MICAL3: variants seen among roughly 807,000 people sequenced by gnomAD.
The protein encoded by MICAL3 is microtubule associated monooxygenase, calponin and LIM domain containing 3.
Under a neutral mutation model 207.4 loss-of-function variants are expected in MICAL3, and 62 were observed. The ratio of observed to expected loss-of-function variants is 0.30; its 90% CI spans 0.24 to 0.37. The LOEUF (loss-of-function observed/expected upper bound fraction) is 0.37, where lower values mean the gene tolerates loss of function less well. Among genes scored for constraint, MICAL3 ranks in the 10% least tolerant of loss-of-function variants. The probability of loss-of-function intolerance (pLI) is 1.00; values close to 1 mark genes in which losing one functional copy is unlikely to be tolerated. For missense variants in MICAL3, 2,368 were observed against 2,635.6 expected (o/e 0.90, Z 2.22); for synonymous variants, 1,077 against 1,069.3 (o/e 1.01, Z -0.14).
intron 9 of MICAL3, 151 bp downstream of exon 9, chr22:17,896,095 C>T (rs1278882161): frequency 1.8e-6 from 1 of 552,486 alleles, no homozygotes; most frequent in African/African-American, 1.9e-5. Flanking sequence ...TTTATGAAAT[C>T]CTATCTTGCC....
intron 7 of MICAL3, among the ~76,000 whole-genome samples, chr22:17,898,653 T>G (rs1229099484): frequency 2.0e-5 from 3 of 152,204 alleles, no homozygotes; most frequent in African/African-American, 7.2e-5. Context: ...CTGCTTCTGT[T>G]TTTCTCATCG....
At chr22:17,852,203 C>CA (rs889387552) in intron 19 of MICAL3, among the ~76,000 whole-genome samples, 1 of 152,172 alleles carries the variant, frequency 6.6e-6, no homozygotes, top group Non-Finnish European at 1.5e-5. Flanking sequence ...TTTAAAGACA[C>CA]AAAATCACAT....
intron 19 of MICAL3, among the ~76,000 whole-genome samples, chr22:17,857,662 G>A (rs1038527856): frequency 6.6e-6 from 1 of 152,254 alleles, no homozygotes; most frequent in African/African-American, 2.4e-5. Context: ...AAGAGGCCAA[G>A]AGAAGTTCTG....
intron 1 of MICAL3, among the ~76,000 whole-genome samples, chr22:17,972,989 G>T (rs1390424944): frequency 6.6e-6 from 1 of 152,216 alleles, no homozygotes; most frequent in Non-Finnish European, 1.5e-5. Context: ...GCCCAGCCGG[G>T]CCCACGTGGG....
At chr22:17,987,539 C>T (rs537795116) in intron 1 of MICAL3, among the ~76,000 whole-genome samples, 2 of 152,196 alleles carry the variant, frequency 1.3e-5, no homozygotes, top group African/African-American at 2.4e-5. Context: ...GCTGGGGAAC[C>T]GCTGCAGGTG....
rs570715844 is a variant in MICAL3, at chr22:17,796,590, C to T, written c.5651-5289G>A. Among the ~76,000 whole-genome samples the T allele has an allele frequency of 2.1e-4, 32 of 152,382 alleles. No homozygotes were observed. Among genetic ancestry groups the T allele is most frequent in the East Asian group, 9.6e-4 (5 of 5,196 alleles). ...CAGAGCTTTCCCTCTTCAACACAGG[C>T]TCCAGGCAAATGTAACAAATGCTGG... On this transcript the variant is annotated intron_variant, in intron 29 of 31. Transcript: ENST00000441493. This position sits in a 1 kb window ranked among gnomAD's most constrained non-coding sequence, Gnocchi z 4.4.
intron 16 of MICAL3, among the ~76,000 whole-genome samples, chr22:17,876,140 A>G (rs1383600935): frequency 6.6e-6 from 1 of 152,144 alleles, no homozygotes; most frequent in African/African-American, 2.4e-5. Context: ...GATGAGGAGA[A>G]AAGACTTGAG....
At chr22:17,975,706 C>T (rs1187599733) in intron 1 of MICAL3, among the ~76,000 whole-genome samples, 1 of 152,142 alleles carries the variant, frequency 6.6e-6, no homozygotes, top group Admixed American at 6.5e-5. Context: ...AAACAGAACC[C>T]AGCACTGTCC....
At chr22:17,922,912 C>T (rs1932833288) in intron 1 of MICAL3, among the ~76,000 whole-genome samples, 1 of 152,178 alleles carries the variant, frequency 6.6e-6, no homozygotes, top group African/African-American at 2.4e-5. Context: ...ACAACTGACC[C>T]TAAACCAGCT....
At chr22:17,855,506 C>G (rs950153597) in intron 19 of MICAL3, among the ~76,000 whole-genome samples, 11 of 152,214 alleles carry the variant, frequency 7.2e-5, no homozygotes, top group Non-Finnish European at 1.5e-4. Flanking sequence ...GCATGTTCCC[C>G]AATCCTCCAC....
intron 1 of MICAL3, among the ~76,000 whole-genome samples, chr22:17,939,205 G>A (rs549748077): frequency 1.3e-5 from 2 of 152,142 alleles, no homozygotes; most frequent in Non-Finnish European, 2.9e-5. Flanking sequence ...CAGCAAAAAG[G>A]CCCTCCCCTG....
chr22:17,853,477 C>CGG (rs755197928), intron 19 of MICAL3, among the ~76,000 whole-genome samples: 16 of 152,260 alleles, frequency 1.1e-4, no homozygotes, highest in Non-Finnish European at 2.1e-4. Context: ...CACCCTCACT[C>CGG]TAATTCTTCC....
intron 21 of MICAL3, among the ~76,000 whole-genome samples, chr22:17,829,430 A>C (rs969772671): frequency 2.6e-5 from 4 of 152,146 alleles, no homozygotes; most frequent in African/African-American, 9.7e-5. Flanking sequence ...CGGCCTCCCA[A>C]AGTGCTGGGA....
In MICAL3 at chr22:17,891,622, A is replaced by C; in HGVS notation, c.1557T>G (p.Ala519=). The part of the protein sequence containing the change: ...TPKLTRNESV[A]RSSKLLGWCQ... ...ACCAACCCAGCAGTTTGCTTGAACG[A>C]GCTACAGACTCTAAAACAACAAAAC... The change falls in exon 12 of 32, where the codon GCT becomes GCG. Residue 519 remains alanine (A), a synonymous_variant. Coordinates refer to ENST00000441493, the MANE Select transcript of MICAL3 (RefSeq NM_015241.3). The C allele has an allele frequency of 3.7e-6, 6 of 1,613,930 alleles. No individual in the cohort carries two copies. Among genetic ancestry groups the C allele is most frequent in the Non-Finnish European group, 4.2e-6 (5 of 1,179,862 alleles).
rs189140273 is a variant in MICAL3, at chr22:18,012,239, A to G, written c.-75+12042T>C. ...GACAAAGCAAGGCTCTGACTCAAAA[A>G]AAATTAATAAATAAGAAGAGAAGTT... On this transcript the variant is annotated intron_variant, in intron 1 of 31. Coordinates refer to ENST00000441493, the MANE Select transcript of MICAL3 (RefSeq NM_015241.3). Among the ~76,000 whole-genome samples, 102 of 152,352 alleles carry G rather than the reference A, an allele frequency of 6.7e-4. 2 individuals carry two copies. Among genetic ancestry groups the G allele is most frequent in the African/African-American group, 2.5e-3 (102 of 41,586 alleles).
intron 1 of MICAL3, among the ~76,000 whole-genome samples, chr22:17,982,496 C>T (rs990778899): frequency 8.5e-5 from 13 of 152,086 alleles, no homozygotes; most frequent in African/African-American, 2.7e-4. Flanking sequence ...GATGGTGAAA[C>T]GCCATCTCTA....
chr22:17,924,341 G>A lies in MICAL3; in HGVS notation c.-74-17455C>T, dbSNP rs111270821. Among the ~76,000 whole-genome samples the A allele has an allele frequency of 4.3e-3, 656 of 152,176 alleles. 2 individuals carry two copies. Among genetic ancestry groups the A allele is most frequent in the African/African-American group, 0.015 (622 of 41,518 alleles). On this transcript the variant is annotated intron_variant, in intron 1 of 31. Coordinates refer to ENST00000441493, the MANE Select transcript of MICAL3 (RefSeq NM_015241.3). ...GCGGATCAGGCACATCTCACCCCTCGGACCAGTTCAGGTACAGATTAAATA... is the reference window on the plus strand; with the variant it reads ...GCGGATCAGGCACATCTCACCCCTCAGACCAGTTCAGGTACAGATTAAATA...
intron 19 of MICAL3, among the ~76,000 whole-genome samples, chr22:17,842,715 T>C (rs1016551680): frequency 2.0e-5 from 3 of 152,254 alleles, no homozygotes; most frequent in Non-Finnish European, 2.9e-5. Flanking sequence ...CGTGGGCTTC[T>C]GAAGCCACGG....
chr22:17,908,974 C>T (rs1458175916), intron 1 of MICAL3, among the ~76,000 whole-genome samples: 1 of 152,180 alleles, frequency 6.6e-6, no homozygotes, highest in Admixed American at 6.5e-5. Flanking sequence ...GTAGAAATGA[C>T]ATGCCACTTC....
Sources: allele counts gnomAD v4.1 joint callset (sites outside exome capture counted in the v4.1 genomes callset), GRCh38; gene constraint gnomAD v4.1.1; non-coding constraint Gnocchi (gnomAD v3.1); transcripts MANE v1.5; gene names NCBI Gene and HGNC (gene_info 2026-07-23, HGNC 2026-07-21).